The following RIMS2 variants were observed in gnomAD, a reference collection of about 807,000 sequenced individuals.
RIMS2 encodes the protein regulating synaptic membrane exocytosis protein 2.
Under a neutral mutation model 174.4 loss-of-function variants are expected in RIMS2, and 59 were observed. The observed-to-expected ratio is 0.34, with a 90% confidence interval of 0.27 to 0.42. RIMS2 has a LOEUF of 0.42. Ranked by LOEUF, RIMS2 falls within the 10% of genes least tolerant of loss-of-function variation. RIMS2 has a pLI of 1.00. For missense variants in RIMS2, 1,620 were observed against 1,666.3 expected (o/e 0.97, Z 0.48); for synonymous variants, 606 against 572.5 (o/e 1.06, Z -0.84).
At chr8:103,624,199 G>A (rs1357166049) in intron 1 of RIMS2, among the ~76,000 whole-genome samples, 1 of 152,186 alleles carries the variant, frequency 6.6e-6, no homozygotes, top group East Asian at 1.9e-4. Context: ...GTTGAGATTA[G>A]CATTTGAAAG....
intron 13 of RIMS2, among the ~76,000 whole-genome samples, chr8:103,938,673 C>T (rs1366200083): frequency 6.6e-6 from 1 of 152,154 alleles, no homozygotes; most frequent in Non-Finnish European, 1.5e-5. Context: ...AGTCCAGAGT[C>T]CAAAGTCCAA....
intron 1 of RIMS2, among the ~76,000 whole-genome samples, chr8:103,522,212 T>C (rs1832039027): frequency 6.6e-6 from 1 of 152,252 alleles, no homozygotes; most frequent in South Asian, 2.1e-4. Flanking sequence ...TAGGTTTGCC[T>C]AGACCTAACT....
At chr8:103,885,510 C>G (rs754649407) in exon 4 of RIMS2, 1 of 1,612,220 alleles carries the variant, frequency 6.2e-7, no homozygotes. Context: ...CATAGGCATT[C>G]CAAAGAATAT....
chr8:104,045,507 A>G (rs1441449769), intron 19 of RIMS2, among the ~76,000 whole-genome samples: 1 of 151,910 alleles, frequency 6.6e-6, no homozygotes, highest in African/African-American at 2.4e-5. Context: ...AAGTTACATG[A>G]AACAACATCT....
intron 2 of RIMS2, among the ~76,000 whole-genome samples, chr8:103,753,713 T>C (rs77787867): frequency 0.23 from 34,928 of 152,100 alleles, 4,290 homozygotes; most frequent in Non-Finnish European, 0.25. Flanking sequence ...AATGTATTTG[T>C]GTTGAAGTGT....
chr8:103,954,783 A>G (rs1251413940), intron 14 of RIMS2, among the ~76,000 whole-genome samples: 1 of 152,190 alleles, frequency 6.6e-6, no homozygotes. Context: ...AGAGACACGA[A>G]AAAACATTCA....
chr8:104,076,808 T>C (rs1598327340), intron 19 of RIMS2, among the ~76,000 whole-genome samples: 2 of 151,320 alleles, frequency 1.3e-5, no homozygotes, highest in South Asian at 4.2e-4. Context: ...CTCCAAGGAT[T>C]GTTTTCTTTT....
intron 19 of RIMS2, among the ~76,000 whole-genome samples, chr8:104,134,107 G>C (rs1426551025): frequency 6.6e-6 from 1 of 151,992 alleles, no homozygotes; most frequent in African/African-American, 2.4e-5. Context: ...GTGAAAAAAT[G>C]GAATTAAAAG....
chr8:103,884,158 G>A (rs1460033455), intron 3 of RIMS2, among the ~76,000 whole-genome samples: 1 of 151,812 alleles, frequency 6.6e-6, no homozygotes, highest in Non-Finnish European at 1.5e-5. Context: ...AGATATTAGA[G>A]AAGAGTGCTG....
At chr8:103,632,421 T>C (rs1403529749) in intron 1 of RIMS2, among the ~76,000 whole-genome samples, 4 of 152,218 alleles carry the variant, frequency 2.6e-5, no homozygotes, top group Non-Finnish European at 5.9e-5. Context: ...ATGAATCATA[T>C]TTATTGATTG....
intron 1 of RIMS2, among the ~76,000 whole-genome samples, chr8:103,509,626 A>G (rs1175229987): frequency 3.3e-5 from 5 of 152,142 alleles, no homozygotes; most frequent in Non-Finnish European, 7.4e-5. Context: ...TGCTTGTATT[A>G]TAAAAGGGAG....
intron 3 of RIMS2, among the ~76,000 whole-genome samples, chr8:103,845,597 C>G (rs1276316683): frequency 6.6e-5 from 10 of 151,964 alleles, no homozygotes; most frequent in Admixed American, 5.3e-4. Flanking sequence ...GAAACTAGTA[C>G]CCAAACCCAG....
intron 4 of RIMS2, among the ~76,000 whole-genome samples, chr8:103,894,138 T>C (rs2154522309): frequency 6.6e-6 from 1 of 151,342 alleles, no homozygotes; most frequent in East Asian, 1.9e-4. Flanking sequence ...AACCCAAAAT[T>C]GTGAGACAAA....
intron 14 of RIMS2, among the ~76,000 whole-genome samples, chr8:103,956,216 C>T (rs2087154032): frequency 6.6e-6 from 1 of 152,154 alleles, no homozygotes; most frequent in Non-Finnish European, 1.5e-5. Context: ...AATCAAGCTA[C>T]CATTGACTTT....
At chr8:103,768,355 C>A in intron 3 of RIMS2, 1 of 715,396 alleles carries the variant, frequency 1.4e-6, no homozygotes, top group Non-Finnish European at 2.6e-6. Flanking sequence ...GCAAACTCTG[C>A]ACTTTTTATG....
intron 19 of RIMS2, among the ~76,000 whole-genome samples, chr8:104,230,392 T>C (rs2099219368): frequency 6.6e-6 from 1 of 152,094 alleles, no homozygotes; most frequent in South Asian, 2.1e-4. Context: ...ACGCTTATAA[T>C]CTCAGCACTT....
At chr8:104,123,650 CAA>C (rs34217523) in intron 19 of RIMS2, among the ~76,000 whole-genome samples, 178 of 139,944 alleles carry the variant, frequency 1.3e-3, no homozygotes, top group Non-Finnish European at 1.7e-3. Context: ...TGGTAGATTA[CAA>C]AAAAAAAAAA....
At chr8:103,555,556 T>G (rs780010826) in intron 1 of RIMS2, among the ~76,000 whole-genome samples, 3 of 152,092 alleles carry the variant, frequency 2.0e-5, no homozygotes, top group African/African-American at 7.2e-5. Context: ...CAAAGAGATA[T>G]CTGTACTCCC....
intron 19 of RIMS2, among the ~76,000 whole-genome samples, chr8:104,023,594 A>G (rs1421065162): frequency 2.0e-5 from 3 of 152,208 alleles, no homozygotes; most frequent in Non-Finnish European, 4.4e-5. Flanking sequence ...CTTGAGAATA[A>G]TAGGTTGAGT....
Sources: allele counts gnomAD v4.1 joint callset (sites outside exome capture counted in the v4.1 genomes callset), GRCh38; gene constraint gnomAD v4.1.1; transcripts MANE v1.5; gene names NCBI Gene and HGNC (gene_info 2026-07-23, HGNC 2026-07-21).